UGT2B11: variants seen among roughly 807,000 people sequenced by gnomAD.
UGT2B11 encodes UDP glucuronosyltransferase family 2 member B11, also known as UDP-glucuronosyltransferase 2B11.
In UGT2B11, 49 loss-of-function variants were observed where a neutral mutation model predicts 51.7. The observed-to-expected ratio is 0.95, with a 90% confidence interval of 0.75 to 1.20. The LOEUF (loss-of-function observed/expected upper bound fraction) is 1.20. UGT2B11 is among the 50% of genes most tolerant of loss of function. The pLI is 0.00. For synonymous variants in UGT2B11, 273 were observed against 209.0 expected (o/e 1.31, Z -2.64); for missense variants, 810 against 622.1 (o/e 1.30, Z -3.21).
At position 69,200,556 on chromosome 4, in the gene UGT2B11, C is replaced by A. The variant is rs777771882; in HGVS notation, c.1474G>T (p.Asp492Tyr). ...CAGGCCAGCAGAAACCCAATCACATCCAAAGAGTGGTACTGGAACCAGGTG... is the reference window on the plus strand; with the variant it reads ...CAGGCCAGCAGAAACCCAATCACATACAAAGAGTGGTACTGGAACCAGGTG... ...DLTWFQYHSL[D>Y]VIGFLLACVA... is the part of the protein sequence containing the mutation. Residue 492 changes from aspartate (D) to tyrosine (Y), a missense_variant, in exon 6 of 6, where the codon GAT becomes TAT. By Grantham distance (160) the Asp-to-Tyr change is radical. Transcript: ENST00000446444. 8.1e-6 allele frequency: 13 copies of A among 1,612,330 alleles called. No homozygotes were observed. Among genetic ancestry groups the A allele is most frequent in the Non-Finnish European group, 1.1e-5 (13 of 1,178,986 alleles).
intron 2 of UGT2B11, among the ~76,000 whole-genome samples, 165 bp downstream of exon 2, chr4:69,212,408 G>A (rs1283957430): frequency 2.0e-5 from 3 of 151,582 alleles, no homozygotes; most frequent in African/African-American, 4.8e-5. Flanking sequence ...TCACATACGT[G>A]TGACGGTATT....
At chr4:69,223,004 G>A in the UGT2B11 span, among the ~76,000 whole-genome samples, 21 of 152,194 alleles carry the variant, frequency 1.4e-4, no homozygotes, top group Non-Finnish European at 5.9e-5. Flanking sequence ...TTTGGGCAAA[G>A]CTTGCAGGCT....
chr4:69,219,903 C>G, the UGT2B11 span, among the ~76,000 whole-genome samples: 1 of 151,902 alleles, frequency 6.6e-6, no homozygotes, highest in Non-Finnish European at 1.5e-5. Context: ...CCTCACATTT[C>G]AAAACCAATC....
intron 2 of UGT2B11, among the ~76,000 whole-genome samples, chr4:69,212,369 T>G (rs960752601): frequency 4.0e-5 from 6 of 151,602 alleles, no homozygotes; most frequent in Non-Finnish European, 8.9e-5. Flanking sequence ...CTCCTTACTA[T>G]TCCTCTCTAT....
intron 5 of UGT2B11, among the ~76,000 whole-genome samples, chr4:69,202,476 T>C (rs1721695826): frequency 6.6e-6 from 1 of 151,734 alleles, no homozygotes; most frequent in African/African-American, 2.4e-5. Context: ...GAATCTTTTA[T>C]ATTTCGTAAG....
In UGT2B11 at chr4:69,204,739, T is replaced by C. The variant is rs1387341935; in HGVS notation, c.1091-90A>G. ...TCTGAAAGTGACAGTGTTTTCTAGA[T>C]AACACATTGAACTAATTTGCTATTA... is the stretch of plus-strand genomic sequence containing the variant. On this transcript the variant is annotated intron_variant, in intron 4 of 5. Coordinates refer to ENST00000446444, the MANE Select transcript of UGT2B11 (RefSeq NM_001073.3). The C allele has an allele frequency of 5.0e-6, 8 of 1,584,684 alleles. No individual in the cohort carries two copies. The African/African-American group carries it at 6.8e-5, about 13-fold the overall frequency.
chr4:69,202,600 T>C (rs1312222572), intron 5 of UGT2B11, among the ~76,000 whole-genome samples: 1 of 151,814 alleles, frequency 6.6e-6, no homozygotes, highest in Non-Finnish European at 1.5e-5. Flanking sequence ...GTATTGTATA[T>C]GTATATATGT....
At chr4:69,213,977 C>A (rs202142548) in intron 1 of UGT2B11, 25 bp downstream of exon 1, 67 of 1,533,988 alleles carry the variant, frequency 4.4e-5, no homozygotes, top group East Asian at 2.9e-4. Flanking sequence ...TAGATCTTCA[C>A]GTTACCGATT....
chr4:69,223,209 C>T, the UGT2B11 span, among the ~76,000 whole-genome samples: 3 of 152,294 alleles, frequency 2.0e-5, no homozygotes, highest in South Asian at 6.2e-4. Context: ...CAATCAGCCA[C>T]TTCTTTTTTA....
chr4:69,221,841 C>T, the UGT2B11 span, among the ~76,000 whole-genome samples: 1 of 152,248 alleles, frequency 6.6e-6, no homozygotes, highest in African/African-American at 2.4e-5. Flanking sequence ...TGAGCTGGCG[C>T]TTGCCCCAGG....
At chr4:69,213,153 C>T (rs1280546332) in intron 1 of UGT2B11, among the ~76,000 whole-genome samples, 4 of 145,626 alleles carry the variant, frequency 2.7e-5, no homozygotes, top group African/African-American at 1.1e-4. Context: ...ATCCTTTTAT[C>T]TTTGGTTCAA....
intron 3 of UGT2B11, 118 bp from the exon 4 acceptor site, chr4:69,205,685 A>C (rs1349255729): frequency 8.7e-7 from 1 of 1,144,614 alleles, no homozygotes; most frequent in Admixed American, 2.7e-5. Flanking sequence ...ATCTACTCAA[A>C]GATTGATGTA....
Position 69,200,504 on chromosome 4 carries a change from G to A in UGT2B11, c.1526C>T (p.Thr509Ile), listed in dbSNP as rs750826122. The change falls in exon 6 of 6, where the codon ACA becomes ATA. Residue 509 changes from threonine (T) to isoleucine (I), a missense_variant. Thr to Ile is a moderately conservative substitution (Grantham distance 89, BLOSUM62 -1). Transcript: ENST00000446444. ...CCAGAAACAAAACAGACAAAACTTT[G>A]TGATGATAAATATCACAGTTGCCAC... is the stretch of plus-strand genomic sequence containing the variant. ...ACVATVIFII[T>I]KFCLFCFWKF... The A allele has an allele frequency of 9.3e-6, 15 of 1,611,740 alleles. No homozygotes were observed. Among genetic ancestry groups the A allele is most frequent in the Non-Finnish European group, 1.3e-5 (15 of 1,178,790 alleles).
At chr4:69,208,050 A>G (rs1477375004) in intron 3 of UGT2B11, among the ~76,000 whole-genome samples, 1 of 151,668 alleles carries the variant, frequency 6.6e-6, no homozygotes, top group African/African-American at 2.4e-5. Flanking sequence ...AATATCAGAA[A>G]TTAAAAATAA....
chr4:69,206,009 C>T (rs1175615048), intron 3 of UGT2B11, among the ~76,000 whole-genome samples: 1 of 151,548 alleles, frequency 6.6e-6, no homozygotes, highest in African/African-American at 2.4e-5. Flanking sequence ...AAAAGGAATG[C>T]TTATACTCTG....
At chr4:69,211,296 A>C (rs1722053421) in intron 2 of UGT2B11, 2 of 151,594 alleles carry the variant, frequency 1.3e-5, no homozygotes, top group Admixed American at 1.3e-4. Context: ...AAGCTGGAAT[A>C]CTGGTGAAGA....
upstream of UGT2B11, chr4:69,216,506 T>C (rs1230037055): frequency 6.6e-6 from 1 of 151,610 alleles, no homozygotes; most frequent in Non-Finnish European, 1.5e-5. Context: ...TCTGAGCAAG[T>C]TCATCAAGTA....
At chr4:69,216,438 T>C (rs1458178891), upstream of UGT2B11, 1 of 151,934 alleles carries the variant, frequency 6.6e-6, no homozygotes, top group East Asian at 1.9e-4. Context: ...TAACAGCAGA[T>C]TGTTGGAATC....
intron 5 of UGT2B11, among the ~76,000 whole-genome samples, chr4:69,202,587 T>C (rs554409093): frequency 5.9e-5 from 9 of 151,768 alleles, no homozygotes; most frequent in African/African-American, 1.9e-4. Context: ...AATACATACA[T>C]GTGTATTGTA....
Sources: allele counts gnomAD v4.1 joint callset (sites outside exome capture counted in the v4.1 genomes callset), GRCh38; gene constraint gnomAD v4.1.1; transcripts MANE v1.5; gene names NCBI Gene and HGNC (gene_info 2026-07-23, HGNC 2026-07-21).